Variants in SLCO3A1 observed in about 807,000 individuals in gnomAD.
SLCO3A1 encodes PGE1 transporter.
In SLCO3A1, 27 loss-of-function variants were observed where a neutral mutation model predicts 63.1. That is an observed-to-expected ratio of 0.43 (90% confidence interval 0.32 to 0.59). The LOEUF is 0.59. SLCO3A1 is among the 20% of genes least tolerant of loss of function. The probability of loss-of-function intolerance (pLI) is 0.09; values close to 1 mark genes in which losing one functional copy is unlikely to be tolerated. For missense variants in SLCO3A1, 773 were observed against 945.8 expected, an observed-to-expected ratio of 0.82 and a Z score of 2.40; for synonymous variants, 473 against 409.9, an observed-to-expected ratio of 1.15 and a Z score of -1.86.
At chr15:91,879,660 A>G (rs921955117) in intron 1 of SLCO3A1, among the ~76,000 whole-genome samples, 6 of 152,154 alleles carry the variant, frequency 3.9e-5, no homozygotes, top group African/African-American at 1.4e-4. Flanking sequence ...TCAGAACATC[A>G]TTTTCTGAAG....
chr15:92,023,649 A>C (rs1461638491), intron 2 of SLCO3A1, among the ~76,000 whole-genome samples: 1 of 152,072 alleles, frequency 6.6e-6, no homozygotes, highest in East Asian at 1.9e-4. Flanking sequence ...TTGTATTTTT[A>C]GTAGAGACGG....
At chr15:91,898,909 T>G (rs1042812777) in intron 1 of SLCO3A1, among the ~76,000 whole-genome samples, 1 of 152,224 alleles carries the variant, frequency 6.6e-6, no homozygotes, top group Non-Finnish European at 1.5e-5. Context: ...AATTTTATTC[T>G]TCGTGGCTCC....
intron 2 of SLCO3A1, among the ~76,000 whole-genome samples, chr15:92,022,576 A>G (rs913242927): frequency 6.6e-6 from 1 of 152,140 alleles, no homozygotes; most frequent in Non-Finnish European, 1.5e-5. Context: ...AGCTAAATAA[A>G]TTTGTTATTT....
At chr15:92,026,739 T>A (rs907188285) in intron 2 of SLCO3A1, among the ~76,000 whole-genome samples, 2 of 152,184 alleles carry the variant, frequency 1.3e-5, no homozygotes, top group Non-Finnish European at 2.9e-5. Context: ...AAAGATGGAT[T>A]CTGAAAACAA....
At chr15:91,893,907 A>G (rs746594355) in intron 1 of SLCO3A1, among the ~76,000 whole-genome samples, 1 of 152,210 alleles carries the variant, frequency 6.6e-6, no homozygotes, top group Non-Finnish European at 1.5e-5. Context: ...GGAACAGATG[A>G]TTGAAAAGCA....
chr15:92,037,085 G>C (rs1346726137), intron 2 of SLCO3A1, among the ~76,000 whole-genome samples: 1 of 152,124 alleles, frequency 6.6e-6, no homozygotes, highest in African/African-American at 2.4e-5. Flanking sequence ...TATGCAATAC[G>C]GTAGCATCAT....
rs1169884768 is a variant in SLCO3A1 at position 92,094,939 on chromosome 15, C to A, written c.705C>A (p.Phe235Leu). The change falls in exon 3 of 10, where the codon TTC (phenylalanine) becomes TTA (leucine). Residue 235 changes from phenylalanine to leucine, a missense_variant. Phe to Leu is a conservative substitution (Grantham distance 22). Around this residue, in one of 3 missense-constraint regions of SLCO3A1, gnomAD observed 565 missense variants for 749.8 expected, o/e 0.75. Coordinates refer to ENST00000318445, the MANE Select transcript of SLCO3A1 (RefSeq NM_013272.4). ...GPACGFILGS[F>L]CTKIYVDAVF... is the part of the protein sequence containing the mutation. ...CCTGCGGGTTTATCCTGGGCTCTTT[C>A]TGTACCAAAATCTACGTGGATGCGG... 1 of 1,613,618 alleles carries A rather than the reference C, an allele frequency of 6.2e-7. No individual in the cohort carries two copies. The highest frequency in any genetic ancestry group is 1.3e-5 in the African/African-American group (1 of 74,916).
At chr15:92,099,687 A>G (rs1383503359) in intron 3 of SLCO3A1, among the ~76,000 whole-genome samples, 1 of 152,186 alleles carries the variant, frequency 6.6e-6, no homozygotes, top group East Asian at 1.9e-4. Flanking sequence ...ACAGCTGTCA[A>G]CAGCTCTCAA....
intron 7 of SLCO3A1, among the ~76,000 whole-genome samples, chr15:92,143,469 A>AATATATATAT (rs1324933371): frequency 4.7e-5 from 1 of 21,200 alleles, no homozygotes; most frequent in African/African-American, 2.9e-4. Context: ...AATATATATA[A>AATATATATAT]ATATATATAT....
At chr15:92,037,727 G>A (rs1597246663) in intron 2 of SLCO3A1, among the ~76,000 whole-genome samples, 1 of 152,360 alleles carries the variant, frequency 6.6e-6, no homozygotes, top group East Asian at 1.9e-4. Flanking sequence ...AAGACTTGAT[G>A]TTATCTACAG....
rs747937203 is a variant in SLCO3A1 at position 92,132,392 on chromosome 15, C to A, written c.1512+3903C>A. On this transcript the variant is annotated intron_variant, in intron 7 of 9. Coordinates refer to ENST00000318445, the MANE Select transcript of SLCO3A1 (RefSeq NM_013272.4). ...AGTGATAGCAATGGAAGTTTCCAGG[C>A]CTGCATTTAATGTACGACTTCTAAT... 1.0e-4 allele frequency among the ~76,000 whole-genome samples: 15 copies of A among 143,274 alleles called. 4 individuals carry two copies. Among genetic ancestry groups the A allele is most frequent in the Non-Finnish European group, 2.2e-4 (14 of 64,400 alleles). The allele number at this position is 143,274 out of a possible 152,430, so 94.0% of individuals were successfully genotyped here. A position where few individuals can be genotyped will look rare whatever the true frequency, so the allele number is the denominator to read the frequency against.
At chr15:92,091,015 G>C (rs2047467330) in intron 2 of SLCO3A1, among the ~76,000 whole-genome samples, 2 of 152,190 alleles carry the variant, frequency 1.3e-5, no homozygotes, top group South Asian at 4.1e-4. Context: ...AACCCAGGCT[G>C]TTCATACTCT....
At chr15:92,144,015 AG>A (rs1348674557) in intron 7 of SLCO3A1, among the ~76,000 whole-genome samples, 2 of 152,238 alleles carry the variant, frequency 1.3e-5, no homozygotes, top group Non-Finnish European at 1.5e-5. Context: ...TAGGCAGAAA[AG>A]AAGGCGGCGC....
intron 2 of SLCO3A1, among the ~76,000 whole-genome samples, chr15:92,056,183 T>C (rs543874488): frequency 6.6e-6 from 1 of 152,332 alleles, no homozygotes; most frequent in Admixed American, 6.5e-5. Context: ...TTCCCCTTTA[T>C]TTCCAGGTTC....
At chr15:91,927,468 G>A (rs1899070045) in intron 2 of SLCO3A1, among the ~76,000 whole-genome samples, 3 of 152,052 alleles carry the variant, frequency 2.0e-5, no homozygotes, top group South Asian at 2.1e-4. Flanking sequence ...AACAATTCTG[G>A]GGACATGAAT....
chr15:91,971,410 A>AAAAAAAAAAAAAAAAAAAAAAG (rs59113249), intron 2 of SLCO3A1, among the ~76,000 whole-genome samples: 1 of 145,886 alleles, frequency 6.9e-6, no homozygotes, highest in African/African-American at 2.5e-5. Context: ...AAAAAAAAAA[A>AAAAAAAAAAAAAAAAAAAAAAG]GCAACCTCTT....
intron 2 of SLCO3A1, among the ~76,000 whole-genome samples, chr15:92,011,171 C>CCCATGA (rs2046364658): frequency 6.6e-6 from 1 of 152,236 alleles, no homozygotes; most frequent in Non-Finnish European, 1.5e-5. Context: ...AGGGTCCTAT[C>CCCATGA]CCATGACCAT....
intron 2 of SLCO3A1, among the ~76,000 whole-genome samples, chr15:92,019,918 A>G (rs985442433): frequency 5.3e-5 from 8 of 152,148 alleles, no homozygotes; most frequent in African/African-American, 1.9e-4. Context: ...AGGGAGTCAG[A>G]GTGGCCTTCA....
At chr15:92,070,488 C>G (rs1446805027) in intron 2 of SLCO3A1, among the ~76,000 whole-genome samples, 3 of 152,106 alleles carry the variant, frequency 2.0e-5, no homozygotes, top group South Asian at 2.1e-4. Context: ...ACTAATAATA[C>G]AAAAATTAGC....
Sources: allele counts gnomAD v4.1 joint callset (sites outside exome capture counted in the v4.1 genomes callset), GRCh38; gene constraint gnomAD v4.1.1; regional missense constraint gnomAD v4.1.1; transcripts MANE v1.5; gene names NCBI Gene and HGNC (gene_info 2026-07-23, HGNC 2026-07-21).